Variants in ADAMTSL3 observed in about 807,000 individuals in gnomAD.
The protein encoded by ADAMTSL3 is ADAMTS-like protein 3.
ADAMTSL3 carries 128 observed loss-of-function variants against 201.7 expected under a neutral mutation model. That is an observed-to-expected ratio of 0.63 (90% CI 0.55 to 0.73). The LOEUF (loss-of-function observed/expected upper bound fraction) is 0.73, where lower values mean the gene tolerates loss of function less well. Ranked by LOEUF, ADAMTSL3 falls within the 30% of genes least tolerant of loss-of-function variation. ADAMTSL3 has a pLI of 0.00. For missense variants in ADAMTSL3, 1,990 were observed against 2,119.6 expected (o/e 0.94, Z 1.20); for synonymous variants, 738 against 748.4 (o/e 0.99, Z 0.23).
chr15:83,898,260 G>A (rs569058627), intron 14 of ADAMTSL3, among the ~76,000 whole-genome samples: 2 of 152,020 alleles, frequency 1.3e-5, no homozygotes, highest in African/African-American at 4.8e-5. Context: ...ACATTTCTTG[G>A]TGGACGTAAG....
chr15:83,777,862 G>A (rs1485056273), intron 4 of ADAMTSL3, among the ~76,000 whole-genome samples: 2 of 152,284 alleles, frequency 1.3e-5, no homozygotes, highest in East Asian at 3.9e-4. Flanking sequence ...GTCCAAGGAA[G>A]CTAAAAACCA....
Position 83,913,334 on chromosome 15 carries a change from G to A in ADAMTSL3, c.1943G>A (p.Trp648Ter). The change falls in exon 16 of 30, where the codon TGG becomes TAG. Residue 648 changes from tryptophan to a stop codon, truncating the protein, a stop_gained. Coordinates refer to ENST00000286744, the MANE Select transcript of ADAMTSL3 (RefSeq NM_207517.3). LOFTEE classifies it high-confidence loss of function. ...GAGGACAGTGAGACGACTTACGACT[G>A]GGAGTACGCTGGGTTCACCCCTTGC... ...LPEDSETTYDWEYAGFTPCTA... is the reference protein window; with the variant it reads ...LPEDSETTYD 1 of 1,613,726 alleles carries A rather than the reference G, an allele frequency of 6.2e-7. No homozygotes were observed. The highest frequency in any genetic ancestry group is 8.5e-7 in the Non-Finnish European group (1 of 1,180,012).
chr15:83,814,233 A>G (rs1273120058), intron 5 of ADAMTSL3, among the ~76,000 whole-genome samples: 1 of 152,098 alleles, frequency 6.6e-6, no homozygotes, highest in Non-Finnish European at 1.5e-5. Flanking sequence ...CCTTGTCATT[A>G]GTCCTACTCT....
rs114980609 is a variant in ADAMTSL3, at chr15:83,781,650, A to G, written c.317+8000A>G. On this transcript the variant is annotated intron_variant, in intron 4 of 29. Coordinates refer to ENST00000286744, the MANE Select transcript of ADAMTSL3 (RefSeq NM_207517.3). The stretch of plus-strand genomic sequence containing the variant: ...TTTCTGCATAGCAAAGGAAACTATC[A>G]ATAGAGTGAACAGACAGCCTATAGA... Among the ~76,000 whole-genome samples, 1,405 of 152,336 alleles carry G rather than the reference A, an allele frequency of 9.2e-3. 24 individuals carry two copies. Among genetic ancestry groups the G allele is most frequent in the African/African-American group, 0.032 (1,324 of 41,570 alleles).
chr15:84,021,580 G>A lies in ADAMTSL3; in HGVS notation c.4444G>A (p.Asp1482Asn). The change falls in exon 26 of 30, where the codon GAC becomes AAC. Residue 1482 changes from aspartate to asparagine, a missense_variant. Asp to Asn is a conservative substitution (Grantham distance 23). Transcript: ENST00000286744. ...LAGFEPCNIR[D>N]CPARWFTSVW... ...TGGGTTTGAGCCCTGTAACATCCGG[G>A]ACTGCCCAGCGAGGTAAGTGAAGTC... The A allele has an allele frequency of 6.2e-7, 1 of 1,613,998 alleles. No homozygotes were observed.
intron 6 of ADAMTSL3, among the ~76,000 whole-genome samples, chr15:83,828,625 C>T (rs1211819914): frequency 6.6e-6 from 1 of 152,118 alleles, no homozygotes. Flanking sequence ...GGGAATGCTT[C>T]CAGTTTTTGC....
intron 2 of ADAMTSL3, among the ~76,000 whole-genome samples, chr15:83,663,832 G>C (rs2061210246): frequency 6.6e-6 from 1 of 152,256 alleles, no homozygotes; most frequent in Admixed American, 6.5e-5. Context: ...TAGATCCAGT[G>C]AGAATCTGGT....
rs1009802134 is a variant in ADAMTSL3 at position 83,847,482 on chromosome 15, C to A, written c.727+9267C>A. Reference sequence around the variant, plus strand: ...TGTGCAGACCCTGTTCTGTACAATACCATGCCAGGTAACTTTTTTTTTTTT... The same window carrying A: ...TGTGCAGACCCTGTTCTGTACAATAACATGCCAGGTAACTTTTTTTTTTTT... On this transcript the variant is annotated intron_variant, in intron 7 of 29. Coordinates refer to ENST00000286744, the MANE Select transcript of ADAMTSL3 (RefSeq NM_207517.3). Among the ~76,000 whole-genome samples the A allele has an allele frequency of 6.7e-5, 10 of 149,524 alleles. 1 individual carries two copies. The highest frequency in any genetic ancestry group is 2.0e-4 in the African/African-American group (8 of 40,028).
chr15:83,793,298 T>C (rs2063371414), intron 4 of ADAMTSL3, among the ~76,000 whole-genome samples: 1 of 152,228 alleles, frequency 6.6e-6, no homozygotes, highest in Admixed American at 6.5e-5. Flanking sequence ...TAATATATTG[T>C]ATTATTGAAA....
Position 83,864,423 on chromosome 15 carries a change from G to T in ADAMTSL3, c.802+5583G>T, listed in dbSNP as rs532477260. ...CAAAAAGCTTATCCACCATGATCAAGTTGGCTTCATCCCTGTGATGCAAGG... is the reference window on the plus strand; with the variant it reads ...CAAAAAGCTTATCCACCATGATCAATTTGGCTTCATCCCTGTGATGCAAGG... On this transcript the variant is annotated intron_variant, in intron 8 of 29. Transcript: ENST00000286744. Among the ~76,000 whole-genome samples, 132 of 152,316 alleles carry T rather than the reference G, an allele frequency of 8.7e-4. 2 individuals are homozygous for T. Among genetic ancestry groups the T allele is most frequent in the Admixed American group, 4.0e-3 (61 of 15,300 alleles).
chr15:83,795,096 C>T (rs912640062), intron 4 of ADAMTSL3, among the ~76,000 whole-genome samples: 1 of 152,082 alleles, frequency 6.6e-6, no homozygotes, highest in Non-Finnish European at 1.5e-5. Context: ...TCAAGTGATC[C>T]ACCTGCCTTG....
chr15:83,897,788 C>T, intron 13 of ADAMTSL3, 70 bp from the exon 14 acceptor site: 1 of 1,485,128 alleles, frequency 6.7e-7, no homozygotes, highest in South Asian at 1.4e-5. Context: ...CTCTCCTTTG[C>T]ATTCGATAAA....
chr15:83,857,017 C>T lies in ADAMTSL3; in HGVS notation c.728-1749C>T, dbSNP rs146843753. The stretch of plus-strand genomic sequence containing the variant: ...TATTTTTTTTGTGTGTAATTCTCAT[C>T]CTAATAGGTGTGAAGTGGTACCTGA... On this transcript the variant is annotated intron_variant, in intron 7 of 29. Coordinates refer to ENST00000286744, the MANE Select transcript of ADAMTSL3 (RefSeq NM_207517.3). Among the ~76,000 whole-genome samples the T allele has an allele frequency of 2.5e-4, 38 of 152,100 alleles. No homozygotes were observed. The East Asian group carries it at 6.8e-3, about 27-fold the overall frequency.
chr15:83,874,399 C>G (rs533499519), intron 9 of ADAMTSL3, among the ~76,000 whole-genome samples: 1 of 144,686 alleles, frequency 6.9e-6, no homozygotes, highest in African/African-American at 2.7e-5. Flanking sequence ...GGTTGAGTCT[C>G]CCCGGAGTCT....
At chr15:83,701,125 C>T (rs958947538) in intron 2 of ADAMTSL3, among the ~76,000 whole-genome samples, 5 of 152,148 alleles carry the variant, frequency 3.3e-5, no homozygotes, top group African/African-American at 1.2e-4. Context: ...CACCTGTGGC[C>T]TCTTAATTTA....
intron 3 of ADAMTSL3, among the ~76,000 whole-genome samples, chr15:83,761,292 G>A (rs2062805454): frequency 6.6e-6 from 1 of 152,036 alleles, no homozygotes; most frequent in African/African-American, 2.4e-5. Flanking sequence ...TCATTGTCAG[G>A]TATGTTAATT....
chr15:83,941,450 A>C (rs1226023961), intron 17 of ADAMTSL3, among the ~76,000 whole-genome samples: 1 of 152,120 alleles, frequency 6.6e-6, no homozygotes, highest in Non-Finnish European at 1.5e-5. Flanking sequence ...GTTAGATATC[A>C]TCACTGGCAA....
intron 19 of ADAMTSL3, among the ~76,000 whole-genome samples, chr15:83,965,045 C>T (rs2067052028): frequency 6.6e-6 from 1 of 152,148 alleles, no homozygotes; most frequent in South Asian, 2.1e-4. Flanking sequence ...AAAGGAACAA[C>T]CGGTACCAGC....
intron 8 of ADAMTSL3, among the ~76,000 whole-genome samples, chr15:83,860,569 C>A (rs185248257): frequency 9.2e-5 from 14 of 152,270 alleles, no homozygotes; most frequent in Middle Eastern, 3.4e-3. Flanking sequence ...AATGGATGGT[C>A]TTGATATTCT....
Sources: allele counts gnomAD v4.1 joint callset (sites outside exome capture counted in the v4.1 genomes callset), GRCh38; gene constraint gnomAD v4.1.1; transcripts MANE v1.5; gene names NCBI Gene and HGNC (gene_info 2026-07-23, HGNC 2026-07-21).